TMTC2: variants seen among roughly 807,000 people sequenced by gnomAD.
The protein encoded by TMTC2 is protein O-mannosyl-transferase TMTC2.
A neutral mutation model predicts 82.4 loss-of-function variants in TMTC2; 43 were observed. The observed-to-expected ratio is 0.52, with a 90% CI of 0.41 to 0.67. The LOEUF (loss-of-function observed/expected upper bound fraction) is 0.67. Ranked by LOEUF, TMTC2 falls within the 30% of genes least tolerant of loss-of-function variation. TMTC2 has a pLI of 0.00. For missense variants in TMTC2, 919 were observed against 1,012.4 expected (o/e 0.91, Z 1.25); for synonymous variants, 408 against 381.9 (o/e 1.07, Z -0.80).
intron 11 of TMTC2, among the ~76,000 whole-genome samples, chr12:83,115,717 G>C (rs965368741): frequency 7.2e-5 from 11 of 152,034 alleles, no homozygotes; most frequent in African/African-American, 2.7e-4. Context: ...GTTTTTTAGT[G>C]GTGATTTGTG....
chr12:82,763,059 ATAGT>A (rs532859977), intron 1 of TMTC2, among the ~76,000 whole-genome samples: 62 of 152,302 alleles, frequency 4.1e-4, no homozygotes, highest in East Asian at 2.1e-3. Flanking sequence ...AAGTAGTATA[ATAGT>A]TAGTTTTTTT....
At chr12:83,033,806 A>G (rs35510918) in intron 9 of TMTC2, among the ~76,000 whole-genome samples, 86,202 of 135,442 alleles carry the variant, frequency 0.64, 25,788 homozygotes, top group South Asian at 0.71. Flanking sequence ...ATATATACAC[A>G]TATATGTGTG....
intron 1 of TMTC2, among the ~76,000 whole-genome samples, chr12:82,774,766 G>A (rs1033059357): frequency 2.0e-5 from 3 of 151,480 alleles, no homozygotes; most frequent in Non-Finnish European, 2.9e-5. Flanking sequence ...CCGAGGTGAT[G>A]GGAGGGGTGG....
chr12:83,021,963 A>G (rs1240700130), intron 8 of TMTC2: 2 of 152,164 alleles, frequency 1.3e-5, no homozygotes, highest in Non-Finnish European at 2.9e-5. Flanking sequence ...CAAGGACGTC[A>G]CATAAATTCA....
At chr12:82,775,795 A>G (rs565510991) in intron 1 of TMTC2, among the ~76,000 whole-genome samples, 14 of 152,110 alleles carry the variant, frequency 9.2e-5, no homozygotes, top group African/African-American at 3.1e-4. Flanking sequence ...AGGGAAAGTA[A>G]ATGTACCAAC....
Position 82,938,111 on chromosome 12 carries a change from G to A in TMTC2, c.1598+7566G>A, listed in dbSNP as rs138600945. Among the ~76,000 whole-genome samples, 1,384 of 151,010 alleles carry A rather than the reference G, an allele frequency of 9.2e-3. 22 individuals carry two copies. The highest frequency in any genetic ancestry group is 0.031 in the African/African-American group (1,274 of 41,106). ...GTATTTTTAGTAGAGACGGGGTTTC[G>A]CCATGTTGGCCAGGCTGGTCTCGAA... On this transcript the variant is annotated intron_variant, in intron 4 of 11. Coordinates refer to ENST00000321196, the MANE Select transcript of TMTC2 (RefSeq NM_152588.3).
chr12:82,814,248 A>G (rs1868560584), intron 1 of TMTC2, among the ~76,000 whole-genome samples: 1 of 152,166 alleles, frequency 6.6e-6, no homozygotes, highest in Admixed American at 6.5e-5. Context: ...TGTTTTTCAG[A>G]TGAATGACAA....
Position 82,786,215 on chromosome 12 carries a change from C to A in TMTC2, c.84-70795C>A, listed in dbSNP as rs1367247642. The stretch of plus-strand genomic sequence containing the variant: ...GTGTAAAGTGTTAGAAAGAAAAATG[C>A]AAGGAAACATCTTACTTTCTAGCTT... On this transcript the variant is annotated intron_variant, in intron 1 of 11. Transcript: ENST00000321196. Among the ~76,000 whole-genome samples the A allele has an allele frequency of 4.6e-5, 7 of 152,046 alleles. No individual in the cohort carries two copies. In the South Asian group the frequency reaches 1.2e-3, roughly 27 times the overall value.
chr12:83,046,133 C>A (rs539331141), intron 9 of TMTC2, among the ~76,000 whole-genome samples: 1 of 152,064 alleles, frequency 6.6e-6, no homozygotes, highest in East Asian at 1.9e-4. Context: ...CCCCCTCTGT[C>A]GAATTCATTC....
intron 1 of TMTC2, among the ~76,000 whole-genome samples, chr12:82,846,344 C>G (rs1022332496): frequency 6.6e-6 from 1 of 151,894 alleles, no homozygotes; most frequent in Non-Finnish European, 1.5e-5. Flanking sequence ...GGCAACAGAA[C>G]GAGACTCTGT....
chr12:82,733,102 C>G (rs979953734), intron 1 of TMTC2, among the ~76,000 whole-genome samples: 1 of 151,944 alleles, frequency 6.6e-6, no homozygotes, highest in Non-Finnish European at 1.5e-5. Context: ...TTGTGAAATC[C>G]TTTCTCCATT....
intron 8 of TMTC2, among the ~76,000 whole-genome samples, chr12:83,010,780 A>G (rs1880418748): frequency 6.6e-6 from 1 of 152,096 alleles, no homozygotes; most frequent in Admixed American, 6.6e-5. Flanking sequence ...TTCCCATCGC[A>G]CAAGGCATAA....
chr12:83,033,832 G>T (rs4882540), intron 9 of TMTC2, among the ~76,000 whole-genome samples: 2 of 148,320 alleles, frequency 1.3e-5, no homozygotes, highest in South Asian at 4.2e-4. Flanking sequence ...GTGTGTGTGT[G>T]TATATATATG....
intron 2 of TMTC2, among the ~76,000 whole-genome samples, chr12:82,861,026 A>G (rs1871516381): frequency 6.6e-6 from 1 of 152,232 alleles, no homozygotes; most frequent in Non-Finnish European, 1.5e-5. Flanking sequence ...TTAAAAAATA[A>G]TCATCTTAAA....
intron 1 of TMTC2, among the ~76,000 whole-genome samples, chr12:82,787,078 G>C (rs1477871444): frequency 6.6e-6 from 1 of 152,046 alleles, no homozygotes; most frequent in African/African-American, 2.4e-5. Flanking sequence ...TTCGTTGGGG[G>C]CTAGGGTTAC....
intron 1 of TMTC2, among the ~76,000 whole-genome samples, chr12:82,748,630 CT>C (rs1451450259): frequency 6.6e-6 from 1 of 152,184 alleles, no homozygotes; most frequent in Admixed American, 6.5e-5. Flanking sequence ...AATCCCAGCA[CT>C]TTGGGAGGCC....
chr12:83,131,500 G>C (rs1477901708), intron 11 of TMTC2, among the ~76,000 whole-genome samples: 1 of 152,038 alleles, frequency 6.6e-6, no homozygotes. Flanking sequence ...TTTTTAATAA[G>C]TAATATAAAA....
At chr12:82,942,470 T>C (rs1876775364) in intron 4 of TMTC2, among the ~76,000 whole-genome samples, 1 of 152,176 alleles carries the variant, frequency 6.6e-6, no homozygotes, top group African/African-American at 2.4e-5. Flanking sequence ...ATTTGTAGAG[T>C]TACTATCATA....
chr12:82,823,332 C>T (rs1364198087), intron 1 of TMTC2, among the ~76,000 whole-genome samples: 1 of 152,106 alleles, frequency 6.6e-6, no homozygotes, highest in Non-Finnish European at 1.5e-5. Flanking sequence ...CATTCAGGAG[C>T]TTGTCTATGG....
Sources: gnomAD v4.1 joint callset for allele counts (sites outside exome capture counted in the v4.1 genomes callset) on GRCh38, gnomAD v4.1.1 for gene constraint, MANE v1.5 for transcripts, NCBI Gene and HGNC (gene_info 2026-07-23, HGNC 2026-07-21) for gene names.